The following PIK3C2G variants were observed in gnomAD, a reference collection of about 807,000 sequenced individuals.
The protein encoded by PIK3C2G is phosphatidylinositol-4-phosphate 3-kinase catalytic subunit type 2 gamma.
Under a neutral mutation model 181.1 loss-of-function variants are expected in PIK3C2G, and 168 were observed. That is an observed-to-expected ratio of 0.93 (90% confidence interval 0.82 to 1.05). The LOEUF is 1.05. PIK3C2G is among the 50% of genes least tolerant of loss of function. The pLI is 0.00. For synonymous variants in PIK3C2G, 573 were observed against 592.2 expected, an observed-to-expected ratio of 0.97 and a Z score of 0.47; for missense variants, 1,869 against 1,732.8, an observed-to-expected ratio of 1.08 and a Z score of -1.40.
chr12:18,580,665 T>C (rs1287799042), intron 29 of PIK3C2G, among the ~76,000 whole-genome samples: 1 of 152,226 alleles, frequency 6.6e-6, no homozygotes, highest in East Asian at 1.9e-4. Context: ...TTCACTATTC[T>C]TCATAGTGTC....
intron 11 of PIK3C2G, among the ~76,000 whole-genome samples, chr12:18,347,479 A>G (rs1939779826): frequency 6.6e-6 from 1 of 152,200 alleles, no homozygotes; most frequent in Non-Finnish European, 1.5e-5. Flanking sequence ...TGCATTTAGC[A>G]TCTCAAGGAA....
At chr12:18,371,159 T>G (rs748709714) in intron 12 of PIK3C2G, 21 bp from the exon 13 acceptor site, 5 of 1,587,036 alleles carry the variant, frequency 3.2e-6, no homozygotes, top group Non-Finnish European at 4.3e-6. Flanking sequence ...AGGTAATGCT[T>G]CTTCTTTCTT....
At chr12:18,575,003 G>A (rs764092963) in intron 29 of PIK3C2G, among the ~76,000 whole-genome samples, 2 of 152,136 alleles carry the variant, frequency 1.3e-5, no homozygotes, top group Non-Finnish European at 2.9e-5. Context: ...GACTCAGCAT[G>A]TTGGCTTATT....
At chr12:18,680,500 A>G in the PIK3C2G span, among the ~76,000 whole-genome samples, 1 of 152,002 alleles carries the variant, frequency 6.6e-6, no homozygotes, top group Admixed American at 6.6e-5. Flanking sequence ...AGTGACCATC[A>G]TTTCCCAGAC....
intron 16 of PIK3C2G, among the ~76,000 whole-genome samples, chr12:18,418,663 C>T (rs1345972782): frequency 6.6e-6 from 1 of 151,970 alleles, no homozygotes; most frequent in Admixed American, 6.6e-5. Flanking sequence ...AAGGCTAGAG[C>T]CATTAGGATA....
At chr12:18,338,904 T>C (rs111925354) in intron 9 of PIK3C2G, among the ~76,000 whole-genome samples, 1 of 152,192 alleles carries the variant, frequency 6.6e-6, no homozygotes, top group African/African-American at 2.4e-5. Flanking sequence ...TAATCACATG[T>C]AAGTGTTTGT....
chr12:18,661,273 T>C, the PIK3C2G span, among the ~76,000 whole-genome samples: 1 of 151,958 alleles, frequency 6.6e-6, no homozygotes, highest in African/African-American at 2.4e-5. Context: ...TGTGATGAGA[T>C]ACAAGAATTA....
chr12:18,473,755 T>C (rs1363695958), intron 18 of PIK3C2G, among the ~76,000 whole-genome samples: 1 of 152,168 alleles, frequency 6.6e-6, no homozygotes, highest in Non-Finnish European at 1.5e-5. Context: ...TTTATTCTAA[T>C]TTTTATTACA....
intron 13 of PIK3C2G, among the ~76,000 whole-genome samples, chr12:18,373,903 T>C (rs1942253082): frequency 6.6e-6 from 1 of 152,084 alleles, no homozygotes; most frequent in Non-Finnish European, 1.5e-5. Flanking sequence ...CACAGAAGTT[T>C]TATAATCATG....
At chr12:18,289,268 C>CA (rs918117744) in intron 3 of PIK3C2G, among the ~76,000 whole-genome samples, 15 of 151,598 alleles carry the variant, frequency 9.9e-5, no homozygotes, top group Admixed American at 3.9e-4. Context: ...CCACATCTTT[C>CA]AAAAAAAATG....
chr12:18,712,549 C>T, the PIK3C2G span, among the ~76,000 whole-genome samples: 5 of 152,216 alleles, frequency 3.3e-5, no homozygotes, highest in East Asian at 7.7e-4. Flanking sequence ...ATTTCTCAAA[C>T]TTTCCTGGCC....
At chr12:18,644,027 C>G (rs1377853564) in intron 32 of PIK3C2G, among the ~76,000 whole-genome samples, 1 of 152,122 alleles carries the variant, frequency 6.6e-6, no homozygotes, top group Non-Finnish European at 1.5e-5. Flanking sequence ...TATTCCTATC[C>G]TCCTTTCTCC....
intron 14 of PIK3C2G, among the ~76,000 whole-genome samples, chr12:18,382,128 T>C (rs529295813): frequency 6.6e-6 from 1 of 152,316 alleles, no homozygotes; most frequent in Admixed American, 6.5e-5. Context: ...TGGAGAACTA[T>C]GGAGTGTTGC....
At chr12:18,309,627 T>G (rs1469532850) in intron 5 of PIK3C2G, among the ~76,000 whole-genome samples, 1 of 151,846 alleles carries the variant, frequency 6.6e-6, no homozygotes, top group Non-Finnish European at 1.5e-5. Flanking sequence ...TATGCAGAAG[T>G]GCTTTAACTG....
chr12:18,682,440 A>G, the PIK3C2G span, among the ~76,000 whole-genome samples: 1 of 152,058 alleles, frequency 6.6e-6, no homozygotes, highest in Non-Finnish European at 1.5e-5. Flanking sequence ...TAGAATTAGT[A>G]TTAATATCAG....
intron 15 of PIK3C2G, among the ~76,000 whole-genome samples, chr12:18,399,150 C>G (rs1487043796): frequency 1.2e-4 from 18 of 145,524 alleles, no homozygotes; most frequent in South Asian, 4.4e-4. Context: ...AGCCGAGATC[C>G]CGCCACTGCA....
chr12:18,557,583 CA>C (rs1945078130), intron 26 of PIK3C2G, among the ~76,000 whole-genome samples: 1 of 151,940 alleles, frequency 6.6e-6, no homozygotes, highest in South Asian at 2.1e-4. Context: ...AGGAACACAC[CA>C]AAAATGGTTG....
intron 15 of PIK3C2G, among the ~76,000 whole-genome samples, chr12:18,395,186 T>C (rs1223953382): frequency 6.7e-6 from 1 of 150,142 alleles, no homozygotes; most frequent in Non-Finnish European, 1.5e-5. Flanking sequence ...CCAGGTACCT[T>C]ATAGAGAAAT....
intron 32 of PIK3C2G, among the ~76,000 whole-genome samples, chr12:18,643,310 C>T (rs1949932978): frequency 1.3e-5 from 2 of 152,024 alleles, no homozygotes; most frequent in African/African-American, 4.8e-5. Flanking sequence ...CATGAATAGA[C>T]ACTTTATACT....
Sources: gnomAD v4.1 joint callset for allele counts (sites outside exome capture counted in the v4.1 genomes callset) on GRCh38, gnomAD v4.1.1 for gene constraint, MANE v1.5 for transcripts, NCBI Gene and HGNC (gene_info 2026-07-23, HGNC 2026-07-21) for gene names.